KHDRBS3: variants seen among roughly 807,000 people sequenced by gnomAD.
The protein encoded by KHDRBS3 is KH RNA binding domain containing, signal transduction associated 3.
KHDRBS3 carries 23 observed loss-of-function variants against 45.6 expected under a neutral mutation model. The observed-to-expected ratio is 0.50, with a 90% CI of 0.36 to 0.72. The LOEUF (loss-of-function observed/expected upper bound fraction) is 0.72, where lower values mean the gene tolerates loss of function less well. Among genes scored for constraint, KHDRBS3 ranks in the 30% least tolerant of loss-of-function variants. The pLI, the probability that KHDRBS3 is intolerant of heterozygous loss-of-function variation, is 0.00. For missense variants in KHDRBS3, 352 were observed against 424.8 expected (o/e 0.83, Z 1.51); for synonymous variants, 162 against 156.5 (o/e 1.04, Z -0.26).
chr8:135,588,375 C>T (rs944295383), intron 6 of KHDRBS3, among the ~76,000 whole-genome samples: 2 of 152,260 alleles, frequency 1.3e-5, no homozygotes, highest in African/African-American at 2.4e-5. Flanking sequence ...CGCGCGGCAC[C>T]TCTGTGTCCT....
At chr8:135,458,018 CCAG>C (rs1821204902) in intron 1 of KHDRBS3, 64 bp downstream of exon 1, 1 of 1,503,266 alleles carries the variant, frequency 6.7e-7, no homozygotes, top group Non-Finnish European at 8.9e-7. Flanking sequence ...ACGCGGGGGC[CCAG>C]GGGGCCCCTC....
At position 135,569,093 on chromosome 8, in the gene KHDRBS3, C is replaced by T. The variant is rs536944598; in HGVS notation, c.611+11506C>T. On this transcript the variant is annotated intron_variant, in intron 5 of 8. Transcript: ENST00000355849. ...GACTAAACCAATCACCATTAGGAGCCCTGTAGTTTAAAAAAAAGCAATAAT... is the reference window on the plus strand; with the variant it reads ...GACTAAACCAATCACCATTAGGAGCTCTGTAGTTTAAAAAAAAGCAATAAT... Among the ~76,000 whole-genome samples, 34 of 151,602 alleles carry T rather than the reference C, an allele frequency of 2.2e-4. 1 individual carries two copies. The South Asian group carries it at 7.1e-3, about 32-fold the overall frequency.
intron 1 of KHDRBS3, among the ~76,000 whole-genome samples, chr8:135,494,380 G>T (rs4495473): frequency 6.8e-6 from 1 of 147,398 alleles, no homozygotes; most frequent in Non-Finnish European, 1.5e-5. Flanking sequence ...CCGGGTTCAC[G>T]CCATTCTCCT....
At chr8:135,489,197 T>G (rs1276731916) in intron 1 of KHDRBS3, among the ~76,000 whole-genome samples, 1 of 152,196 alleles carries the variant, frequency 6.6e-6, no homozygotes, top group Non-Finnish European at 1.5e-5. Context: ...CTTTCAAAGT[T>G]TGCCTTACTA....
intron 8 of KHDRBS3, among the ~76,000 whole-genome samples, chr8:135,645,967 T>A (rs938779553): frequency 1.3e-5 from 2 of 150,442 alleles, no homozygotes; most frequent in Admixed American, 6.6e-5. Flanking sequence ...ATCACCTGCC[T>A]GAAGCTGTGA....
intron 7 of KHDRBS3, among the ~76,000 whole-genome samples, chr8:135,611,555 C>T (rs1046763177): frequency 1.6e-4 from 24 of 151,850 alleles, no homozygotes; most frequent in Admixed American, 1.3e-3. Context: ...TCCTCTCTCC[C>T]GGGCTTGCAG....
At chr8:135,472,675 T>A (rs1822072884) in intron 1 of KHDRBS3, among the ~76,000 whole-genome samples, 1 of 152,192 alleles carries the variant, frequency 6.6e-6, no homozygotes, top group African/African-American at 2.4e-5. Flanking sequence ...CTGAAGGATG[T>A]CATGCAGGAG....
At chr8:135,644,455 G>T (rs189633513) in intron 7 of KHDRBS3, among the ~76,000 whole-genome samples, 1 of 152,130 alleles carries the variant, frequency 6.6e-6, no homozygotes, top group Non-Finnish European at 1.5e-5. Context: ...AGCAGCTTCC[G>T]GATGGTGATG....
chr8:135,550,818 T>A (rs145960348), intron 4 of KHDRBS3, among the ~76,000 whole-genome samples: 1 of 152,254 alleles, frequency 6.6e-6, no homozygotes, highest in East Asian at 1.9e-4. Context: ...TTGGGGATAA[T>A]TTTCATCTTA....
chr8:135,463,768 A>C (rs1202531195), intron 1 of KHDRBS3, among the ~76,000 whole-genome samples: 3 of 152,202 alleles, frequency 2.0e-5, no homozygotes, highest in African/African-American at 7.2e-5. Flanking sequence ...ATTGAGTGCC[A>C]ACAGCAACTT....
intron 1 of KHDRBS3, among the ~76,000 whole-genome samples, chr8:135,514,835 A>G (rs1824488468): frequency 6.6e-6 from 1 of 152,204 alleles, no homozygotes; most frequent in South Asian, 2.1e-4. Context: ...TCACTGTAAA[A>G]TGCAGGCGGC....
At chr8:135,459,322 G>C (rs996606861) in intron 1 of KHDRBS3, among the ~76,000 whole-genome samples, 1 of 152,136 alleles carries the variant, frequency 6.6e-6, no homozygotes, top group Non-Finnish European at 1.5e-5. Context: ...TTGAATTGTT[G>C]AACAGAAATA....
intron 1 of KHDRBS3, among the ~76,000 whole-genome samples, chr8:135,471,610 G>A (rs1192824613): frequency 2.0e-5 from 3 of 152,182 alleles, no homozygotes; most frequent in Non-Finnish European, 4.4e-5. Flanking sequence ...TTGTTATTCC[G>A]ATCTGGTGAG....
At chr8:135,512,157 A>G (rs1824320631) in intron 1 of KHDRBS3, among the ~76,000 whole-genome samples, 1 of 152,186 alleles carries the variant, frequency 6.6e-6, no homozygotes, top group African/African-American at 2.4e-5. Flanking sequence ...TAGTGAAAAC[A>G]TTTGTCATGT....
intron 6 of KHDRBS3, among the ~76,000 whole-genome samples, chr8:135,598,324 T>G (rs956574896): frequency 6.6e-6 from 1 of 152,174 alleles, no homozygotes; most frequent in African/African-American, 2.4e-5. Flanking sequence ...TCATAAATAT[T>G]TTTTGGCTAA....
At chr8:135,515,142 G>A (rs548220609) in intron 1 of KHDRBS3, among the ~76,000 whole-genome samples, 45 of 151,768 alleles carry the variant, frequency 3.0e-4, no homozygotes, top group Non-Finnish European at 4.1e-4. Context: ...CGAGGCGGGC[G>A]GATCACGAGG....
At chr8:135,483,307 T>C (rs1822680048) in intron 1 of KHDRBS3, among the ~76,000 whole-genome samples, 1 of 152,232 alleles carries the variant, frequency 6.6e-6, no homozygotes. Flanking sequence ...CCAGTAATTA[T>C]TACAGTTGCA....
In KHDRBS3 at chr8:135,617,902, A is replaced by C. The variant is rs1302763320; in HGVS notation, c.890+10865A>C. Among the ~76,000 whole-genome samples the C allele has an allele frequency of 3.9e-5, 6 of 152,346 alleles. No homozygotes were observed. In the East Asian group the frequency reaches 9.6e-4, roughly 24 times the overall value. On this transcript the variant is annotated intron_variant, in intron 7 of 8. Transcript: ENST00000355849. ...GGCTCATTTAATTTAGATTGTTTAG[A>C]GTCCTAAAATGTGTCAGAAGCACAG...
At chr8:135,566,551 T>C (rs186620875) in intron 5 of KHDRBS3, among the ~76,000 whole-genome samples, 1 of 152,284 alleles carries the variant, frequency 6.6e-6, no homozygotes, top group Admixed American at 6.5e-5. Flanking sequence ...CAACGAAACC[T>C]TCATTATTAA....
Sources: gnomAD v4.1 joint callset for allele counts (sites outside exome capture counted in the v4.1 genomes callset) on GRCh38, gnomAD v4.1.1 for gene constraint, MANE v1.5 for transcripts, NCBI Gene and HGNC (gene_info 2026-07-23, HGNC 2026-07-21) for gene names.